KIAA1217: variants seen among roughly 807,000 people sequenced by gnomAD.
KIAA1217 encodes the protein KIAA1217.
A neutral mutation model predicts 163.9 loss-of-function variants in KIAA1217; 88 were observed. The ratio of observed to expected loss-of-function variants is 0.54; its 90% CI spans 0.45 to 0.64. The LOEUF (loss-of-function observed/expected upper bound fraction) is 0.64, where lower values mean the gene tolerates loss of function less well. Among genes scored for constraint, KIAA1217 ranks in the 30% least tolerant of loss-of-function variants. The probability of loss-of-function intolerance (pLI) is 0.00; values close to 1 mark genes in which losing one functional copy is unlikely to be tolerated. For missense variants in KIAA1217, 2,372 were observed against 2,475.0 expected, an observed-to-expected ratio of 0.96 and a Z score of 0.88; for synonymous variants, 903 against 923.1, an observed-to-expected ratio of 0.98 and a Z score of 0.39.
chr10:24,156,344 C>T (rs1373535479), intron 2 of KIAA1217, among the ~76,000 whole-genome samples: 1 of 152,044 alleles, frequency 6.6e-6, no homozygotes, highest in Non-Finnish European at 1.5e-5. Flanking sequence ...TTTGGATATG[C>T]CATGATCTGT....
At chr10:23,802,977 C>T (rs1464173545) in intron 1 of KIAA1217, among the ~76,000 whole-genome samples, 1 of 152,062 alleles carries the variant, frequency 6.6e-6, no homozygotes, top group Admixed American at 6.6e-5. Context: ...TTCTGCACAC[C>T]CCATGAGGTA....
At chr10:24,358,205 ATAAG>A in intron 2 of KIAA1217, among the ~76,000 whole-genome samples, 1 of 152,154 alleles carries the variant, frequency 6.6e-6, no homozygotes, top group East Asian at 1.9e-4. Flanking sequence ...AAGTGAGCAA[ATAAG>A]TAAAGTATCT....
intron 1 of KIAA1217, among the ~76,000 whole-genome samples, chr10:23,878,343 GC>G (rs1188976410): frequency 6.6e-6 from 1 of 151,854 alleles, no homozygotes; most frequent in Non-Finnish European, 1.5e-5. Flanking sequence ...GTTCTGTCTT[GC>G]TTAAAATGAT....
chr10:23,828,396 G>A (rs1159947933), intron 1 of KIAA1217, among the ~76,000 whole-genome samples: 1 of 152,012 alleles, frequency 6.6e-6, no homozygotes, highest in African/African-American at 2.4e-5. Flanking sequence ...GGTTTGAGAG[G>A]GTGGGCATGG....
chr10:24,242,862 G>A (rs2073275786), intron 2 of KIAA1217, among the ~76,000 whole-genome samples: 2 of 152,110 alleles, frequency 1.3e-5, no homozygotes, highest in Non-Finnish European at 2.9e-5. Context: ...TTTTTCATAT[G>A]TTTGTTGGCT....
At chr10:23,987,440 A>C (rs1011601288) in intron 1 of KIAA1217, among the ~76,000 whole-genome samples, 2 of 148,556 alleles carry the variant, frequency 1.3e-5, no homozygotes, top group African/African-American at 2.5e-5. Context: ...CATCATTTTT[A>C]TTTAAAAATA....
At chr10:24,317,133 G>A (rs951023486) in intron 2 of KIAA1217, among the ~76,000 whole-genome samples, 8 of 152,090 alleles carry the variant, frequency 5.3e-5, no homozygotes, top group Non-Finnish European at 1.2e-4. Context: ...AGATTTTCAT[G>A]TAGTTTCTTG....
chr10:24,320,889 A>G (rs2044055977), intron 2 of KIAA1217, among the ~76,000 whole-genome samples: 1 of 151,996 alleles, frequency 6.6e-6, no homozygotes, highest in African/African-American at 2.4e-5. Context: ...TAAAAATACA[A>G]AACCAAAATT....
At chr10:24,472,003 G>A (rs1189824504) in intron 5 of KIAA1217, among the ~76,000 whole-genome samples, 4 of 151,784 alleles carry the variant, frequency 2.6e-5, no homozygotes, top group Admixed American at 1.3e-4. Flanking sequence ...GTCGATTAAC[G>A]CATAGCTTGA....
At chr10:24,001,373 A>G (rs980402268) in intron 1 of KIAA1217, among the ~76,000 whole-genome samples, 2 of 152,236 alleles carry the variant, frequency 1.3e-5, no homozygotes, top group African/African-American at 4.8e-5. Context: ...ACACAAAATG[A>G]GTAAGGCACA....
At chr10:24,293,755 T>G (rs917752407) in intron 2 of KIAA1217, among the ~76,000 whole-genome samples, 3 of 152,220 alleles carry the variant, frequency 2.0e-5, no homozygotes, top group African/African-American at 7.2e-5. Context: ...CTCTACTGAC[T>G]ATTCACTTGT....
intron 1 of KIAA1217, among the ~76,000 whole-genome samples, chr10:23,747,159 G>C (rs1839458485): frequency 6.6e-6 from 1 of 152,096 alleles, no homozygotes; most frequent in African/African-American, 2.4e-5. Flanking sequence ...AATCTGATTT[G>C]GCAAAGAAAA....
intron 1 of KIAA1217, among the ~76,000 whole-genome samples, chr10:23,988,264 G>A (rs570059210): frequency 1.6e-4 from 24 of 152,310 alleles, no homozygotes; most frequent in Admixed American, 8.5e-4. Context: ...GTTGCTCCGC[G>A]AGCAGGCGTC....
chr10:24,095,019 G>A (rs1324396267), intron 2 of KIAA1217, among the ~76,000 whole-genome samples: 1 of 152,168 alleles, frequency 6.6e-6, no homozygotes. Flanking sequence ...AGACTCCGTG[G>A]GCATAGGACC....
chr10:24,521,672 A>C (rs899814702), intron 11 of KIAA1217, 110 bp from the exon 12 acceptor site: 2 of 1,341,724 alleles, frequency 1.5e-6, no homozygotes, highest in African/African-American at 2.9e-5. Flanking sequence ...TGTGTGAGCC[A>C]CCCTGTGGCT....
chr10:23,736,976 A>C (rs1204892624), intron 1 of KIAA1217, among the ~76,000 whole-genome samples: 1 of 152,206 alleles, frequency 6.6e-6, no homozygotes. Context: ...ATTTTGAGTG[A>C]ATTCTATTTA....
chr10:24,380,358 G>C (rs1459514029), intron 2 of KIAA1217, among the ~76,000 whole-genome samples: 1 of 151,970 alleles, frequency 6.6e-6, no homozygotes, highest in Non-Finnish European at 1.5e-5. Flanking sequence ...AGGTGCAGCG[G>C]GTCACGCCTA....
At chr10:23,867,744 G>A (rs1840262537) in intron 1 of KIAA1217, among the ~76,000 whole-genome samples, 1 of 151,994 alleles carries the variant, frequency 6.6e-6, no homozygotes, top group Non-Finnish European at 1.5e-5. Flanking sequence ...TGTAGATTCT[G>A]GATATTAGCC....
At chr10:24,207,226 G>A (rs757664447), upstream of KIAA1217, among the ~76,000 whole-genome samples, 28 of 151,890 alleles carry the variant, frequency 1.8e-4, no homozygotes, top group East Asian at 1.9e-4. Flanking sequence ...CAAAGGCTGC[G>A]GGACATCTGA....
Sources: allele counts gnomAD v4.1 joint callset (sites outside exome capture counted in the v4.1 genomes callset), GRCh38; gene constraint gnomAD v4.1.1; transcripts MANE v1.5; gene names NCBI Gene and HGNC (gene_info 2026-07-23, HGNC 2026-07-21).